ST18: variants seen among roughly 807,000 people sequenced by gnomAD.
ST18 encodes ST18 C2H2C-type zinc finger transcription factor.
In ST18, 50 loss-of-function variants were observed where a neutral mutation model predicts 110.0. The observed-to-expected ratio is 0.45, with a 90% confidence interval of 0.36 to 0.58. The LOEUF (loss-of-function observed/expected upper bound fraction) is 0.58, where lower values mean the gene tolerates loss of function less well. Among genes scored for constraint, ST18 ranks in the 20% least tolerant of loss-of-function variants. The probability of loss-of-function intolerance (pLI) is 0.00; values close to 1 mark genes in which losing one functional copy is unlikely to be tolerated. For synonymous variants in ST18, 461 were observed against 452.4 expected (o/e 1.02, Z -0.24); for missense variants, 1,306 against 1,280.1 (o/e 1.02, Z -0.31).
At chr8:52,141,992 A>T (rs1387399370) in intron 17 of ST18, among the ~76,000 whole-genome samples, 1 of 152,324 alleles carries the variant, frequency 6.6e-6, no homozygotes, top group African/African-American at 2.4e-5. Context: ...AGATGAGGGA[A>T]GAGTCCAGAG....
At chr8:52,140,521 C>T (rs62500995) in intron 17 of ST18, among the ~76,000 whole-genome samples, 18,670 of 150,300 alleles carry the variant, frequency 0.12, 1,376 homozygotes, top group Middle Eastern at 0.18. Flanking sequence ...GGGACCCCAT[C>T]TCAAAATAAA....
intron 2 of ST18, among the ~76,000 whole-genome samples, chr8:52,265,332 C>A (rs1182487593): frequency 6.6e-5 from 10 of 152,198 alleles, no homozygotes; most frequent in African/African-American, 2.4e-4. Flanking sequence ...TTTAAGGCTG[C>A]GCCAAGGTGT....
intron 2 of ST18, among the ~76,000 whole-genome samples, chr8:52,408,244 T>C (rs1364496391): frequency 2.6e-5 from 4 of 152,236 alleles, no homozygotes; most frequent in African/African-American, 9.6e-5. Flanking sequence ...AGAGAATCAC[T>C]ACTTTGGCAT....
intron 6 of ST18, 166 bp from the exon 7 acceptor site, chr8:52,214,423 A>G (rs999035673): frequency 4.9e-6 from 3 of 610,826 alleles, no homozygotes; most frequent in South Asian, 4.5e-5. Context: ...CCCACATACC[A>G]CCAGCTTTGG....
intron 9 of ST18, 98 bp downstream of exon 9, chr8:52,180,024 C>CAACCATACA (rs1226808207): frequency 7.9e-6 from 10 of 1,265,372 alleles, no homozygotes; most frequent in Middle Eastern, 2.8e-4. Context: ...TGTACTTTTA[C>CAACCATACA]AACCATACAA....
At chr8:52,340,042 C>A (rs1814140783) in intron 2 of ST18, among the ~76,000 whole-genome samples, 1 of 152,200 alleles carries the variant, frequency 6.6e-6, no homozygotes, top group Non-Finnish European at 1.5e-5. Flanking sequence ...ATGTTACACA[C>A]AAGATTGTAG....
chr8:52,125,381 G>A (rs1352219482), intron 23 of ST18, among the ~76,000 whole-genome samples: 1 of 137,756 alleles, frequency 7.3e-6, no homozygotes, highest in Admixed American at 6.8e-5. Context: ...CCAGAAAAAC[G>A]CGCACGTACA....
chr8:52,117,236 C>G (rs574512098), intron 24 of ST18, among the ~76,000 whole-genome samples: 1 of 152,160 alleles, frequency 6.6e-6, no homozygotes, highest in African/African-American at 2.4e-5. Context: ...AGCACTTTTG[C>G]GCTTGCAGGG....
chr8:52,350,873 A>C (rs1292648686), intron 2 of ST18, among the ~76,000 whole-genome samples: 1 of 152,024 alleles, frequency 6.6e-6, no homozygotes, highest in African/African-American at 2.4e-5. Flanking sequence ...GGCGTGTGCC[A>C]CCACGCCCAG....
At chr8:52,366,761 T>C (rs1404105529) in intron 2 of ST18, among the ~76,000 whole-genome samples, 1 of 152,226 alleles carries the variant, frequency 6.6e-6, no homozygotes. Flanking sequence ...TATTGTCTTA[T>C]TGTTTGTACT....
intron 8 of ST18, chr8:52,194,238 G>A (rs996449905): frequency 3.3e-5 from 5 of 152,174 alleles, no homozygotes; most frequent in Non-Finnish European, 4.4e-5. Flanking sequence ...TGAGGTAATA[G>A]TAGGTAAGTG....
At chr8:52,353,179 T>G (rs1351710749) in intron 2 of ST18, among the ~76,000 whole-genome samples, 1 of 152,228 alleles carries the variant, frequency 6.6e-6, no homozygotes, top group Admixed American at 6.6e-5. Flanking sequence ...AATATGCTAA[T>G]GTGGGAGAAT....
At chr8:52,330,276 G>C (rs1044043268) in intron 2 of ST18, among the ~76,000 whole-genome samples, 1 of 152,138 alleles carries the variant, frequency 6.6e-6, no homozygotes, top group Non-Finnish European at 1.5e-5. Flanking sequence ...GTACACGAGA[G>C]GGTCACTCAG....
chr8:52,369,016 G>A (rs1445802501), intron 2 of ST18, among the ~76,000 whole-genome samples: 9 of 152,010 alleles, frequency 5.9e-5, no homozygotes, highest in South Asian at 2.1e-4. Flanking sequence ...TCAGTCCTTC[G>A]CTTGACAACC....
intron 2 of ST18, among the ~76,000 whole-genome samples, chr8:52,327,224 A>C (rs1237885562): frequency 1.3e-5 from 2 of 152,208 alleles, no homozygotes; most frequent in Non-Finnish European, 2.9e-5. Flanking sequence ...CATCTCTTGG[A>C]ATCTGCATTC....
At chr8:52,138,964 T>C (rs1378549904) in intron 17 of ST18, among the ~76,000 whole-genome samples, 1 of 152,198 alleles carries the variant, frequency 6.6e-6, no homozygotes, top group Non-Finnish European at 1.5e-5. Flanking sequence ...TTTCCAATCA[T>C]TTTCAGGTAT....
chr8:52,394,311 A>C (rs528358653), intron 2 of ST18, among the ~76,000 whole-genome samples: 3 of 152,214 alleles, frequency 2.0e-5, no homozygotes, highest in African/African-American at 7.2e-5. Flanking sequence ...CCCTACTCCA[A>C]TCTTTCTTAA....
chr8:52,285,416 C>G (rs2095453595), intron 2 of ST18, among the ~76,000 whole-genome samples: 1 of 152,146 alleles, frequency 6.6e-6, no homozygotes, highest in South Asian at 2.1e-4. Context: ...CTGTCTATAC[C>G]TCAACAACAG....
At chr8:52,134,756 A>G (rs1394403730) in intron 19 of ST18, among the ~76,000 whole-genome samples, 1 of 152,196 alleles carries the variant, frequency 6.6e-6, no homozygotes, top group East Asian at 1.9e-4. Context: ...GTCTTTTTCT[A>G]TTAACATTTT....
Sources: gnomAD v4.1 joint callset for allele counts (sites outside exome capture counted in the v4.1 genomes callset) on GRCh38, gnomAD v4.1.1 for gene constraint, MANE v1.5 for transcripts, NCBI Gene and HGNC (gene_info 2026-07-23, HGNC 2026-07-21) for gene names.